The following LARGE1 variants were observed in gnomAD, a reference collection of about 807,000 sequenced individuals.
LARGE1 encodes the protein LARGE xylosyl- and glucuronyltransferase 1, also known as xylosyl- and glucuronyltransferase LARGE1.
Under a neutral mutation model 87.6 loss-of-function variants are expected in LARGE1, and 43 were observed. The observed-to-expected ratio is 0.49, with a 90% CI of 0.38 to 0.63. LARGE1 has a LOEUF of 0.63. Ranked by LOEUF, LARGE1 falls within the 30% of genes least tolerant of loss-of-function variation. The pLI is 0.00. For synonymous variants in LARGE1, 434 were observed against 394.6 expected (o/e 1.10, Z -1.18); for missense variants, 802 against 1,000.2 (o/e 0.80, Z 2.67).
intron 6 of LARGE1, among the ~76,000 whole-genome samples, chr22:33,512,144 G>T (rs951695830): frequency 1.1e-4 from 16 of 152,136 alleles, no homozygotes; most frequent in African/African-American, 2.9e-4. Context: ...AGAGACACTT[G>T]CCTCTTAGGA....
chr22:33,664,721 A>G (rs951869065), intron 2 of LARGE1, among the ~76,000 whole-genome samples: 19 of 152,156 alleles, frequency 1.2e-4, no homozygotes, highest in African/African-American at 4.6e-4. Context: ...GAAATTAGCT[A>G]GGTATGGTGG....
chr22:33,700,747 T>C (rs1356249120), intron 2 of LARGE1, among the ~76,000 whole-genome samples: 1 of 152,090 alleles, frequency 6.6e-6, no homozygotes, highest in African/African-American at 2.4e-5. Context: ...TTGAAGGACA[T>C]TCTGAGTAGA....
chr22:33,649,702 T>C (rs942871334), intron 3 of LARGE1, among the ~76,000 whole-genome samples: 5 of 152,182 alleles, frequency 3.3e-5, no homozygotes, highest in African/African-American at 1.2e-4. Context: ...CATGCCCTAA[T>C]TCATCTCCAC....
the LARGE1 span, among the ~76,000 whole-genome samples, chr22:33,071,931 AT>A: frequency 6.6e-6 from 1 of 152,044 alleles, no homozygotes; most frequent in South Asian, 2.1e-4. Flanking sequence ...AAGCCTCTGG[AT>A]TCTCTGTTCT....
intron 3 of LARGE1, among the ~76,000 whole-genome samples, chr22:33,626,994 C>A (rs567025614): frequency 2.0e-5 from 3 of 152,294 alleles, no homozygotes; most frequent in Admixed American, 6.5e-5. Flanking sequence ...ATGTGTCTTG[C>A]AGGATGGTGC....
chr22:33,341,325 CTG>C (rs1180633042), intron 9 of LARGE1, among the ~76,000 whole-genome samples: 1 of 151,906 alleles, frequency 6.6e-6, no homozygotes, highest in Non-Finnish European at 1.5e-5. Context: ...CCTCCAGAAA[CTG>C]AGAAATAAAC....
At chr22:33,535,663 T>C (rs963636834) in intron 6 of LARGE1, among the ~76,000 whole-genome samples, 1 of 152,052 alleles carries the variant, frequency 6.6e-6, no homozygotes, top group African/African-American at 2.4e-5. Context: ...TACAAACTAT[T>C]GACCAACCCC....
intron 11 of LARGE1, among the ~76,000 whole-genome samples, chr22:33,216,175 C>T (rs967370453): frequency 1.3e-5 from 2 of 152,190 alleles, no homozygotes; most frequent in East Asian, 3.8e-4. Flanking sequence ...GTCTAGTTCT[C>T]TTTTTATTCT....
chr22:33,539,989 G>C (rs779063740), intron 6 of LARGE1, among the ~76,000 whole-genome samples: 43 of 152,038 alleles, frequency 2.8e-4, no homozygotes, highest in Non-Finnish European at 4.9e-4. Flanking sequence ...AGATGCCTGT[G>C]GGGGCTCAGG....
chr22:33,618,666 T>A (rs1349675902), intron 4 of LARGE1, among the ~76,000 whole-genome samples: 1 of 152,090 alleles, frequency 6.6e-6, no homozygotes, highest in Non-Finnish European at 1.5e-5. Flanking sequence ...ACTTAACACC[T>A]CAAAAATACA....
At chr22:33,322,452 C>T (rs1426921733) in intron 10 of LARGE1, 2 of 152,226 alleles carry the variant, frequency 1.3e-5, no homozygotes, top group African/African-American at 4.8e-5. Context: ...GCTGCAGAAA[C>T]TTAAGCAATG....
chr22:33,880,906 G>A (rs918660419), intron 1 of LARGE1, among the ~76,000 whole-genome samples: 1 of 152,094 alleles, frequency 6.6e-6, no homozygotes, highest in Admixed American at 6.6e-5. Flanking sequence ...ATACGTGAAT[G>A]TACTTTTTAT....
rs2070034202 is a variant in LARGE1 at position 33,494,993 on chromosome 22, C to A, written c.788-62728G>T. The stretch of plus-strand genomic sequence containing the variant: ...GCCACACTCCACTCAGTAATGCTAT[C>A]CCAGTCTGGAACTGTGGCTGATTTC... On this transcript the variant is annotated intron_variant, in intron 6 of 14. Coordinates refer to ENST00000397394, the MANE Select transcript of LARGE1 (RefSeq NM_133642.5). Among the ~76,000 whole-genome samples the A allele has an allele frequency of 2.0e-5, 3 of 152,276 alleles. No individual in the cohort carries two copies. In the South Asian group the frequency reaches 6.2e-4, roughly 32 times the overall value.
chr22:33,146,659 A>G, the LARGE1 span, among the ~76,000 whole-genome samples: 3 of 152,134 alleles, frequency 2.0e-5, no homozygotes, highest in Non-Finnish European at 2.9e-5. Flanking sequence ...AGTGCCCCCA[A>G]TCCTTGCAGA....
the LARGE1 span, among the ~76,000 whole-genome samples, chr22:33,095,082 T>C: frequency 2.6e-5 from 4 of 152,250 alleles, no homozygotes; most frequent in East Asian, 1.9e-4. Context: ...TCCTGGCTTA[T>C]CGTATTACAA....
chr22:33,424,648 G>C (rs1184893256), intron 7 of LARGE1, among the ~76,000 whole-genome samples: 1 of 151,716 alleles, frequency 6.6e-6, no homozygotes, highest in Non-Finnish European at 1.5e-5. Flanking sequence ...AACAAAGTGA[G>C]ACCCTGTCTA....
rs35018256 is a variant in LARGE1, at chr22:33,416,906, C to CTTTTTTTTTT, written c.892+15245_892+15254dup. Among the ~76,000 whole-genome samples the CTTTTTTTTTT allele has an allele frequency of 6.1e-3, 552 of 90,112 alleles. 44 individuals carry two copies. Among genetic ancestry groups the CTTTTTTTTTT allele is most frequent in the South Asian group, 0.011 (28 of 2,614 alleles). The allele number at this position is 90,112 out of a possible 152,430, so 59.1% of individuals were successfully genotyped here. Reference sequence around the variant, plus strand: ...ACAGGTGTGAGGCACCACGCCCGGACTTTTTTTTTTTTTTTTTTTGAGACA... The same window carrying CTTTTTTTTTT: ...ACAGGTGTGAGGCACCACGCCCGGACTTTTTTTTTTTTTTTTTTTTTTTTTTTTTGAGACA... On this transcript the variant is annotated intron_variant, in intron 7 of 14. Coordinates refer to ENST00000397394, the MANE Select transcript of LARGE1 (RefSeq NM_133642.5).
At chr22:33,592,829 T>G (rs1187150520) in intron 5 of LARGE1, among the ~76,000 whole-genome samples, 1 of 143,388 alleles carries the variant, frequency 7.0e-6, no homozygotes, top group Admixed American at 7.2e-5. Flanking sequence ...TTTCTGTTTT[T>G]GTTTGTTTGT....
At chr22:33,457,383 C>T (rs1474401863) in intron 6 of LARGE1, among the ~76,000 whole-genome samples, 1 of 147,042 alleles carries the variant, frequency 6.8e-6, no homozygotes, top group Non-Finnish European at 1.5e-5. Flanking sequence ...AACTCCTGAC[C>T]TCAAGTGATT....
Sources: allele counts gnomAD v4.1 joint callset (sites outside exome capture counted in the v4.1 genomes callset), GRCh38; gene constraint gnomAD v4.1.1; transcripts MANE v1.5; gene names NCBI Gene and HGNC (gene_info 2026-07-23, HGNC 2026-07-21).